The following ADCY8 variants were observed in gnomAD, a reference collection of about 807,000 sequenced individuals.
The protein encoded by ADCY8 is adenylate cyclase 8, also known as adenylate cyclase type 8.
A neutral mutation model predicts 119.7 loss-of-function variants in ADCY8; 51 were observed. The observed-to-expected ratio is 0.43, with a 90% CI of 0.34 to 0.54. The LOEUF is 0.54. ADCY8 is among the 20% of genes least tolerant of loss of function. The pLI, the probability that ADCY8 is intolerant of heterozygous loss-of-function variation, is 0.03. For missense variants in ADCY8, 1,383 were observed against 1,598.8 expected, an observed-to-expected ratio of 0.87 and a Z score of 2.30; for synonymous variants, 665 against 651.0, an observed-to-expected ratio of 1.02 and a Z score of -0.33.
At chr8:130,865,918 C>A (rs1293209192) in intron 9 of ADCY8, among the ~76,000 whole-genome samples, 2 of 152,106 alleles carry the variant, frequency 1.3e-5, no homozygotes, top group East Asian at 3.9e-4. Flanking sequence ...TTGGATTGGG[C>A]AAACTCCTTC....
intron 5 of ADCY8, among the ~76,000 whole-genome samples, chr8:130,929,834 A>C (rs1450411662): frequency 1.3e-5 from 2 of 152,194 alleles, no homozygotes; most frequent in Non-Finnish European, 2.9e-5. Context: ...GGTGCAGATA[A>C]ATTTACAATG....
chr8:130,823,061 C>G (rs975850682), intron 12 of ADCY8, among the ~76,000 whole-genome samples: 1 of 152,184 alleles, frequency 6.6e-6, no homozygotes, highest in African/African-American at 2.4e-5. Flanking sequence ...TTCCCAAATC[C>G]CTGCTCTGCC....
chr8:130,947,402 C>A (rs1009891053), intron 3 of ADCY8, among the ~76,000 whole-genome samples: 1 of 152,176 alleles, frequency 6.6e-6, no homozygotes, highest in African/African-American at 2.4e-5. Flanking sequence ...CATAAGAAGA[C>A]AACTTGTAAA....
chr8:130,918,749 C>T (rs1483510277), intron 5 of ADCY8, among the ~76,000 whole-genome samples: 1 of 152,140 alleles, frequency 6.6e-6, no homozygotes, highest in Non-Finnish European at 1.5e-5. Context: ...TGGACAACCT[C>T]TAATCCAGTG....
intron 7 of ADCY8, among the ~76,000 whole-genome samples, chr8:130,886,770 A>G (rs1819000923): frequency 1.3e-5 from 2 of 151,972 alleles, no homozygotes; most frequent in South Asian, 4.2e-4. Flanking sequence ...TGATATTTTT[A>G]TTTGTATATG....
Position 130,884,726 on chromosome 8 carries a change from C to T in ADCY8, c.1947G>A (p.Leu649=). The change falls in exon 8 of 18, where the codon CTG becomes CTA. Residue 649 remains leucine (L), a synonymous_variant. Coordinates refer to ENST00000286355, the MANE Select transcript of ADCY8 (RefSeq NM_001115.3). ...AAGCTTGTGCAAGATGGTTTGGAAGCAGATTTATTGAATTTCTTGTTAGGG... is the reference window on the plus strand; with the variant it reads ...AAGCTTGTGCAAGATGGTTTGGAAGTAGATTTATTGAATTTCTTGTTAGGG... ...LAALTRNSIN[L]LPNHLAQALH... 1 of 1,613,848 alleles carries T rather than the reference C, an allele frequency of 6.2e-7. No homozygotes were observed. The highest frequency in any genetic ancestry group is 8.5e-7 in the Non-Finnish European group (1 of 1,179,788).
At chr8:130,913,525 G>C (rs1820042449) in intron 5 of ADCY8, among the ~76,000 whole-genome samples, 1 of 152,130 alleles carries the variant, frequency 6.6e-6, no homozygotes, top group Non-Finnish European at 1.5e-5. Context: ...GAAGCTTTAA[G>C]ACCATGATCA....
chr8:130,986,521 T>C (rs1319294805), intron 2 of ADCY8, among the ~76,000 whole-genome samples: 1 of 152,198 alleles, frequency 6.6e-6, no homozygotes, highest in African/African-American at 2.4e-5. Context: ...ATGCATTCTT[T>C]AATAGACTTA....
intron 15 of ADCY8, among the ~76,000 whole-genome samples, chr8:130,787,231 TCATGAGGGGAGGGAAA>T: frequency 6.6e-6 from 1 of 152,154 alleles, no homozygotes; most frequent in East Asian, 1.9e-4. Context: ...ATTCTTATTG[TCATGAGGGGAGGGAAA>T]CATGAGGGGA....
chr8:130,973,483 T>C (rs1053797800), intron 2 of ADCY8, among the ~76,000 whole-genome samples: 1 of 152,240 alleles, frequency 6.6e-6, no homozygotes, highest in Non-Finnish European at 1.5e-5. Flanking sequence ...TTAGATGCCC[T>C]GGTCCACAGT....
At chr8:130,954,362 G>T (rs59983985) in intron 2 of ADCY8, among the ~76,000 whole-genome samples, 1 of 152,042 alleles carries the variant, frequency 6.6e-6, no homozygotes, top group Non-Finnish European at 1.5e-5. Flanking sequence ...GACCTAGTTA[G>T]GAAGATGTTC....
At chr8:130,782,598 C>T (rs750126702) in intron 17 of ADCY8, among the ~76,000 whole-genome samples, 8 of 152,250 alleles carry the variant, frequency 5.3e-5, no homozygotes, top group Non-Finnish European at 8.8e-5. Context: ...TAGAATATCT[C>T]TGTTCAGCAT....
At chr8:130,821,931 C>G (rs973437998) in intron 12 of ADCY8, among the ~76,000 whole-genome samples, 1 of 152,088 alleles carries the variant, frequency 6.6e-6, no homozygotes, top group Admixed American at 6.6e-5. Context: ...TGGGCTGGGA[C>G]AAGAGTCAAA....
At chr8:130,877,349 A>G (rs777301299) in intron 8 of ADCY8, among the ~76,000 whole-genome samples, 4 of 152,198 alleles carry the variant, frequency 2.6e-5, no homozygotes, top group Non-Finnish European at 4.4e-5. Flanking sequence ...ATATCATCTC[A>G]GTATAAGATG....
intron 1 of ADCY8, among the ~76,000 whole-genome samples, chr8:131,028,232 T>G (rs190982975): frequency 2.4e-3 from 369 of 152,360 alleles, no homozygotes; most frequent in African/African-American, 8.6e-3. Flanking sequence ...ACTTACATGG[T>G]TTCAAAAATA....
At chr8:130,869,549 G>A (rs1181264199) in intron 8 of ADCY8, among the ~76,000 whole-genome samples, 2 of 136,464 alleles carry the variant, frequency 1.5e-5, no homozygotes, top group Non-Finnish European at 3.0e-5. Context: ...ACAGAGTCTC[G>A]CTCTGTCGCC....
At chr8:130,873,137 C>G (rs993872474) in intron 8 of ADCY8, among the ~76,000 whole-genome samples, 1 of 152,142 alleles carries the variant, frequency 6.6e-6, no homozygotes, top group Non-Finnish European at 1.5e-5. Flanking sequence ...TGTTTCCATG[C>G]CTGGGATAGT....
At chr8:131,003,338 AATG>A (rs982764672) in intron 1 of ADCY8, among the ~76,000 whole-genome samples, 11 of 152,202 alleles carry the variant, frequency 7.2e-5, no homozygotes, top group Admixed American at 7.2e-4. Context: ...AATAGGTAAA[AATG>A]ATGAAGGAAT....
Position 131,039,530 on chromosome 8 carries a change from G to A in ADCY8, c.804C>T (p.Gly268=). ...TGAAGAGCACGTAGCCTATGCCGTC[G>A]CCCAGGAGCCCGTAGCCGAGGCCTG... ...LAAGLGYGLL[G]DGIGYVLFTL... is the part of the protein sequence containing the mutation. Residue 268 remains glycine (G), a synonymous_variant, in exon 1 of 18, where the codon GGC becomes GGT. Transcript: ENST00000286355. The A allele has an allele frequency of 6.2e-7, 1 of 1,613,764 alleles. No individual in the cohort carries two copies. The highest frequency in any genetic ancestry group is 8.5e-7 in the Non-Finnish European group (1 of 1,180,018).
Sources: allele counts gnomAD v4.1 joint callset (sites outside exome capture counted in the v4.1 genomes callset), GRCh38; gene constraint gnomAD v4.1.1; transcripts MANE v1.5; gene names NCBI Gene and HGNC (gene_info 2026-07-23, HGNC 2026-07-21).